The following ZNF804B variants were observed in gnomAD, a reference collection of about 807,000 sequenced individuals.
ZNF804B encodes the protein zinc finger 804B.
ZNF804B carries 80 observed loss-of-function variants against 101.4 expected under a neutral mutation model. The observed-to-expected ratio is 0.79, with a 90% confidence interval of 0.66 to 0.95. The LOEUF is 0.95. Ranked by LOEUF, ZNF804B falls within the 40% of genes least tolerant of loss-of-function variation. ZNF804B has a pLI of 0.00. For missense variants in ZNF804B, 1,673 were observed against 1,561.9 expected (o/e 1.07, Z -1.20); for synonymous variants, 622 against 558.8 (o/e 1.11, Z -1.59).
In ZNF804B at chr7:88,760,594, C is replaced by CA. The variant is rs141997776; in HGVS notation, c.108+511dup. On this transcript the variant is annotated intron_variant, in intron 1 of 3. Transcript: ENST00000333190. ...TGATTATATCTAATGCTCAACTATG[C>CA]ACATTCTTTAAGGGGAAGTAAGAGA... Among the ~76,000 whole-genome samples, 1,053 of 152,228 alleles carry CA rather than the reference C, an allele frequency of 6.9e-3. 39 individuals are homozygous for CA. The highest frequency in any genetic ancestry group is 0.057 in the East Asian group (293 of 5,176).
chr7:89,278,050 T>A (rs970011748), intron 2 of ZNF804B, among the ~76,000 whole-genome samples: 1 of 152,166 alleles, frequency 6.6e-6, no homozygotes, highest in Non-Finnish European at 1.5e-5. Flanking sequence ...TTCTAACTGG[T>A]GTAAGATGAT....
At chr7:89,146,549 G>A (rs1790793058) in intron 1 of ZNF804B, among the ~76,000 whole-genome samples, 1 of 151,946 alleles carries the variant, frequency 6.6e-6, no homozygotes, top group Non-Finnish European at 1.5e-5. Context: ...AAATCTTTCA[G>A]ATAAATAGAA....
chr7:89,208,755 G>A (rs902634545), intron 1 of ZNF804B, among the ~76,000 whole-genome samples: 3 of 152,260 alleles, frequency 2.0e-5, no homozygotes, highest in African/African-American at 7.2e-5. Flanking sequence ...GCTCACGCCT[G>A]TAATCCCAGC....
intron 1 of ZNF804B, among the ~76,000 whole-genome samples, chr7:88,875,457 A>G (rs1562819745): frequency 6.6e-6 from 1 of 152,230 alleles, no homozygotes; most frequent in Admixed American, 6.5e-5. Context: ...AATAGACGCA[A>G]TAAAAAATCA....
At chr7:89,286,181 C>T (rs1048697493) in intron 2 of ZNF804B, among the ~76,000 whole-genome samples, 2 of 152,160 alleles carry the variant, frequency 1.3e-5, no homozygotes, top group Non-Finnish European at 2.9e-5. Flanking sequence ...AGTGTCTCTT[C>T]TGTAGCCTCT....
intron 1 of ZNF804B, among the ~76,000 whole-genome samples, chr7:89,039,000 C>G (rs1788972320): frequency 6.6e-6 from 1 of 151,946 alleles, no homozygotes; most frequent in South Asian, 2.1e-4. Context: ...GCTCTTTATT[C>G]TGTTTTATTG....
chr7:89,096,534 T>C (rs1304400685), intron 1 of ZNF804B, among the ~76,000 whole-genome samples: 1 of 152,188 alleles, frequency 6.6e-6, no homozygotes, highest in Non-Finnish European at 1.5e-5. Flanking sequence ...CTGTTTATTG[T>C]AGTGTGAGAG....
intron 2 of ZNF804B, among the ~76,000 whole-genome samples, chr7:89,252,422 C>T (rs891882735): frequency 6.6e-6 from 1 of 152,072 alleles, no homozygotes; most frequent in African/African-American, 2.4e-5. Context: ...AAAGGGAATG[C>T]ATATACAGTG....
intron 2 of ZNF804B, among the ~76,000 whole-genome samples, chr7:89,262,544 G>T (rs1789726633): frequency 6.6e-6 from 1 of 152,108 alleles, no homozygotes; most frequent in South Asian, 2.1e-4. Context: ...TTATGTAAGT[G>T]CTTGCTCTTA....
intron 2 of ZNF804B, among the ~76,000 whole-genome samples, chr7:89,254,065 A>G (rs1038110417): frequency 2.0e-5 from 3 of 152,200 alleles, no homozygotes; most frequent in African/African-American, 7.2e-5. Context: ...CCTTCTTTTA[A>G]AATTGTGAAC....
At chr7:89,193,774 C>T (rs575470253) in intron 1 of ZNF804B, among the ~76,000 whole-genome samples, 6 of 152,004 alleles carry the variant, frequency 3.9e-5, no homozygotes, top group South Asian at 4.2e-4. Context: ...AATAAACATA[C>T]GTGTGCATGT....
chr7:89,003,060 T>A (rs990300946), intron 1 of ZNF804B, among the ~76,000 whole-genome samples: 12 of 151,966 alleles, frequency 7.9e-5, no homozygotes, highest in African/African-American at 2.7e-4. Context: ...CCTTACCAAT[T>A]TTCAGAGGAA....
chr7:89,300,934 G>A (rs1400227604), intron 2 of ZNF804B, among the ~76,000 whole-genome samples: 3 of 151,698 alleles, frequency 2.0e-5, no homozygotes, highest in Non-Finnish European at 4.4e-5. Context: ...CATCCAGGAA[G>A]AAAATAATGA....
intron 1 of ZNF804B, among the ~76,000 whole-genome samples, chr7:89,002,210 TG>T (rs753776720): frequency 4.0e-5 from 6 of 151,764 alleles, no homozygotes; most frequent in Non-Finnish European, 8.9e-5. Flanking sequence ...AAGCAACTAT[TG>T]GATGAAAGAT....
chr7:89,126,302 C>A (rs185245383), intron 1 of ZNF804B, among the ~76,000 whole-genome samples: 8 of 152,034 alleles, frequency 5.3e-5, no homozygotes, highest in Admixed American at 5.3e-4. Context: ...TTTCTCAAAT[C>A]TCTCTTTAGG....
chr7:89,232,033 A>G (rs1789200258), intron 2 of ZNF804B, among the ~76,000 whole-genome samples: 1 of 152,106 alleles, frequency 6.6e-6, no homozygotes, highest in Non-Finnish European at 1.5e-5. Flanking sequence ...GACATTGAGT[A>G]TGATGTTAGT....
At chr7:88,915,309 T>G (rs952688940) in intron 1 of ZNF804B, among the ~76,000 whole-genome samples, 3 of 152,102 alleles carry the variant, frequency 2.0e-5, no homozygotes, top group African/African-American at 7.2e-5. Flanking sequence ...TTGTGAATTC[T>G]AAATTCCAAA....
intron 1 of ZNF804B, among the ~76,000 whole-genome samples, chr7:89,085,185 G>A (rs1373243298): frequency 2.0e-5 from 3 of 151,824 alleles, no homozygotes; most frequent in Non-Finnish European, 4.4e-5. Flanking sequence ...CCTTTGTTGG[G>A]GAACATTCAT....
intron 1 of ZNF804B, among the ~76,000 whole-genome samples, chr7:89,043,032 T>G (rs1789040987): frequency 6.6e-6 from 1 of 152,192 alleles, no homozygotes; most frequent in Admixed American, 6.5e-5. Context: ...TATTGACTTC[T>G]TTGGGCAGGA....
Sources: gnomAD v4.1 joint callset for allele counts (sites outside exome capture counted in the v4.1 genomes callset) on GRCh38, gnomAD v4.1.1 for gene constraint, MANE v1.5 for transcripts, NCBI Gene and HGNC (gene_info 2026-07-23, HGNC 2026-07-21) for gene names.